GRID2: variants seen among roughly 807,000 people sequenced by gnomAD.
GRID2 encodes the protein glutamate ionotropic receptor delta type subunit 2, also known as glutamate receptor ionotropic, delta-2.
In GRID2, 33 loss-of-function variants were observed where a neutral mutation model predicts 114.8. That is an observed-to-expected ratio of 0.29 (90% confidence interval 0.22 to 0.38). The LOEUF (loss-of-function observed/expected upper bound fraction) is 0.38, where lower values mean the gene tolerates loss of function less well. Among genes scored for constraint, GRID2 ranks in the 10% least tolerant of loss-of-function variants. The probability of loss-of-function intolerance (pLI) is 1.00; values close to 1 mark genes in which losing one functional copy is unlikely to be tolerated. For missense variants in GRID2, 1,184 were observed against 1,257.7 expected (o/e 0.94, Z 0.89); for synonymous variants, 505 against 449.9 (o/e 1.12, Z -1.55).
intron 1 of GRID2, among the ~76,000 whole-genome samples, chr4:92,358,160 AGTCT>A (rs1728435230): frequency 6.8e-6 from 1 of 146,884 alleles, no homozygotes; most frequent in African/African-American, 2.4e-5. Flanking sequence ...AAGGCTAAGC[AGTCT>A]GTCTGGGATG....
chr4:92,736,860 T>C (rs2149328409), intron 2 of GRID2, among the ~76,000 whole-genome samples: 1 of 152,186 alleles, frequency 6.6e-6, no homozygotes, highest in African/African-American at 2.4e-5. Context: ...AAGAGATCAC[T>C]GTGGACAGGA....
intron 2 of GRID2, among the ~76,000 whole-genome samples, chr4:92,702,878 T>C (rs181240804): frequency 1.5e-3 from 235 of 152,234 alleles, no homozygotes; most frequent in African/African-American, 5.2e-3. Flanking sequence ...CATCTAAAAT[T>C]CAAGTACTCT....
intron 2 of GRID2, among the ~76,000 whole-genome samples, chr4:93,057,400 A>T (rs1351831542): frequency 6.6e-6 from 1 of 151,858 alleles, no homozygotes; most frequent in East Asian, 1.9e-4. Context: ...AAGTCGAGAG[A>T]CACTTGGTTC....
chr4:92,620,781 G>A (rs577553619), intron 2 of GRID2, among the ~76,000 whole-genome samples: 4 of 150,970 alleles, frequency 2.6e-5, no homozygotes, highest in African/African-American at 4.9e-5. Flanking sequence ...ATCACACACC[G>A]GGGACTGTTG....
At position 93,013,888 on chromosome 4, in the gene GRID2, A is replaced by G. The variant is rs77152285; in HGVS notation, c.245-71107A>G. Among the ~76,000 whole-genome samples the G allele has an allele frequency of 7.3e-3, 1,111 of 152,116 alleles. 8 individuals carry two copies. The highest frequency in any genetic ancestry group is 0.015 in the South Asian group (70 of 4,826). On this transcript the variant is annotated intron_variant, in intron 2 of 15. Coordinates refer to ENST00000282020, the MANE Select transcript of GRID2 (RefSeq NM_001510.4). The stretch of plus-strand genomic sequence containing the variant: ...ACTAGTATTTTATAAAGCATATTGT[A>G]GGATTAGGGAAAGAAGTGGAAGGGA...
chr4:93,265,717 A>C (rs1750748078), intron 8 of GRID2, among the ~76,000 whole-genome samples: 1 of 152,212 alleles, frequency 6.6e-6, no homozygotes, highest in Non-Finnish European at 1.5e-5. Context: ...TTGGTGAATT[A>C]GTGAGTGACA....
rs371291846 is a variant in GRID2, at chr4:93,074,987, C to G, written c.245-10008C>G. On this transcript the variant is annotated intron_variant, in intron 2 of 15. Transcript: ENST00000282020. ...ACTGATTTTATAAACTCTCTCACTACTGAAACTCCGGGCCCAGAAAGTTTC... is the reference window on the plus strand; with the variant it reads ...ACTGATTTTATAAACTCTCTCACTAGTGAAACTCCGGGCCCAGAAAGTTTC... Among the ~76,000 whole-genome samples, 20 of 152,312 alleles carry G rather than the reference C, an allele frequency of 1.3e-4. 1 individual carries two copies. Among genetic ancestry groups the G allele is most frequent in the African/African-American group, 4.8e-4 (20 of 41,576 alleles).
At chr4:92,756,772 T>C (rs1233454011) in intron 2 of GRID2, among the ~76,000 whole-genome samples, 1 of 152,162 alleles carries the variant, frequency 6.6e-6, no homozygotes, top group Non-Finnish European at 1.5e-5. Flanking sequence ...TTGAGTAGTG[T>C]GTATTTAGAT....
chr4:93,469,191 G>A (rs1258375388), intron 11 of GRID2, among the ~76,000 whole-genome samples: 1 of 152,082 alleles, frequency 6.6e-6, no homozygotes, highest in African/African-American at 2.4e-5. Flanking sequence ...CAGAGAGAAA[G>A]CAAAAGTACA....
intron 8 of GRID2, among the ~76,000 whole-genome samples, chr4:93,371,200 GA>G (rs1247618293): frequency 6.6e-6 from 1 of 152,158 alleles, no homozygotes; most frequent in African/African-American, 2.4e-5. Flanking sequence ...AGGGTTGCTT[GA>G]AGTAAACTAA....
At chr4:92,721,320 TACC>T (rs200347345) in intron 2 of GRID2, among the ~76,000 whole-genome samples, 2,994 of 152,232 alleles carry the variant, frequency 0.02, 103 homozygotes, top group African/African-American at 0.069. Context: ...TATTTTATTT[TACC>T]ACAATAAAAA....
chr4:92,538,782 T>C (rs1194643061), intron 1 of GRID2, among the ~76,000 whole-genome samples: 2 of 152,120 alleles, frequency 1.3e-5, no homozygotes, highest in East Asian at 1.9e-4. Context: ...ATTGTAATAA[T>C]GGCAAGTCAG....
intron 2 of GRID2, among the ~76,000 whole-genome samples, chr4:92,810,290 G>C (rs1740608442): frequency 6.6e-6 from 1 of 151,126 alleles, no homozygotes; most frequent in South Asian, 2.1e-4. Flanking sequence ...TAATTTATGA[G>C]TTATTTTAAA....
rs537447128 is a variant in GRID2, at chr4:92,720,904, A to G, written c.244+130618A>G. 1.8e-4 allele frequency among the ~76,000 whole-genome samples: 28 copies of G among 152,236 alleles called. No individual in the cohort carries two copies. In the South Asian group the frequency reaches 4.3e-3, roughly 24 times the overall value. On this transcript the variant is annotated intron_variant, in intron 2 of 15. Transcript: ENST00000282020. ...ATAGACAAAACATGTAAATAGCCCA[A>G]ATGTTAATTGACACAAAAATGAACA...
intron 1 of GRID2, among the ~76,000 whole-genome samples, chr4:92,481,876 T>C (rs973828698): frequency 1.3e-5 from 2 of 150,862 alleles, no homozygotes; most frequent in Middle Eastern, 3.4e-3. Context: ...ATCATTATGC[T>C]GAAAAGACAC....
chr4:92,411,655 G>GTGTGTGTGTGTGTATATATA, intron 1 of GRID2, among the ~76,000 whole-genome samples: 1 of 84,724 alleles, frequency 1.2e-5, no homozygotes, highest in African/African-American at 5.9e-5. Context: ...GTGTGTGTGT[G>GTGTGTGTGTGTGTATATATA]TATATATATA....
chr4:92,854,153 T>C (rs1744018457), intron 2 of GRID2, among the ~76,000 whole-genome samples: 1 of 152,040 alleles, frequency 6.6e-6, no homozygotes, highest in African/African-American at 2.4e-5. Context: ...GGCTACAGAC[T>C]TTATTTTGAG....
intron 1 of GRID2, among the ~76,000 whole-genome samples, chr4:92,418,250 G>A (rs553299830): frequency 6.6e-6 from 1 of 152,226 alleles, no homozygotes; most frequent in Non-Finnish European, 1.5e-5. Context: ...TGGCTGGAAT[G>A]GGTTTGGTGA....
In GRID2 at chr4:93,209,905, A is replaced by C. The variant is rs752559255; in HGVS notation, c.789+2448A>C. On this transcript the variant is annotated intron_variant, in intron 5 of 15. Transcript: ENST00000282020. Reference sequence around the variant, plus strand: ...ATTGATCATATGATGTATTATTTTGAAAAGTGTCTGTTGATGTCCTTTGCC... The same window carrying C: ...ATTGATCATATGATGTATTATTTTGCAAAGTGTCTGTTGATGTCCTTTGCC... Among the ~76,000 whole-genome samples the C allele has an allele frequency of 4.6e-5, 7 of 152,032 alleles. No homozygotes were observed. In the South Asian group the frequency reaches 8.3e-4, roughly 18 times the overall value.
Sources: gnomAD v4.1 joint callset for allele counts (sites outside exome capture counted in the v4.1 genomes callset) on GRCh38, gnomAD v4.1.1 for gene constraint, MANE v1.5 for transcripts, NCBI Gene and HGNC (gene_info 2026-07-23, HGNC 2026-07-21) for gene names.